PAG1: variants seen among roughly 807,000 people sequenced by gnomAD.
PAG1 encodes the protein phosphoprotein associated with glycosphingolipid-enriched microdomains 1.
PAG1 carries 23 observed loss-of-function variants against 31.7 expected under a neutral mutation model. The observed-to-expected ratio is 0.73, with a 90% CI of 0.52 to 1.03. The LOEUF (loss-of-function observed/expected upper bound fraction) is 1.03, where lower values mean the gene tolerates loss of function less well. Ranked by LOEUF, PAG1 falls within the 50% of genes least tolerant of loss-of-function variation. The pLI, the probability that PAG1 is intolerant of heterozygous loss-of-function variation, is 0.00. For synonymous variants in PAG1, 214 were observed against 210.3 expected, an observed-to-expected ratio of 1.02 and a Z score of -0.15; for missense variants, 473 against 540.7, an observed-to-expected ratio of 0.87 and a Z score of 1.24.
At chr8:81,078,886 C>T (rs928661127) in intron 1 of PAG1, among the ~76,000 whole-genome samples, 1 of 152,158 alleles carries the variant, frequency 6.6e-6, no homozygotes, top group African/African-American at 2.4e-5. Flanking sequence ...ACTAAAAACG[C>T]ACAATCTGGT....
intron 3 of PAG1, chr8:81,029,660 T>C (rs1808345793): frequency 6.6e-6 from 1 of 152,224 alleles, no homozygotes; most frequent in South Asian, 2.1e-4. Flanking sequence ...GGATGAAATG[T>C]TATTTTCATA....
chr8:81,093,404 C>T (rs4570109), intron 1 of PAG1, among the ~76,000 whole-genome samples: 93,332 of 152,066 alleles, frequency 0.61, 29,754 homozygotes, highest in African/African-American at 0.79. Context: ...CCAGACTTTA[C>T]GAACAGTCTA....
rs1021666233 is a variant in PAG1 at position 80,967,909 on chromosome 8, T to C, written c.*8635A>G. On this transcript the variant is annotated 3_prime_UTR_variant, in exon 9 of 9. Transcript: ENST00000220597. ...ACCTGCTATTTACATGTAATCATAC[T>C]TTTATATATAGCTTGAATAAGTTTT... The C allele has an allele frequency of 1.3e-5, 2 of 152,230 alleles. No homozygotes were observed. The highest frequency in any genetic ancestry group is 6.5e-5 in the Admixed American group (1 of 15,282). The allele number at this position is 152,230 out of a possible 1,614,324, so 9.4% of individuals were successfully genotyped here. A position where few individuals can be genotyped will look rare whatever the true frequency, so the allele number is the denominator to read the frequency against.
At chr8:81,010,897 C>T (rs962906136) in intron 3 of PAG1, among the ~76,000 whole-genome samples, 4 of 152,206 alleles carry the variant, frequency 2.6e-5, no homozygotes, top group African/African-American at 9.6e-5. Flanking sequence ...AGCTTTTATA[C>T]TAGCTGTTTG....
Position 80,976,557 on chromosome 8 carries a change from A to G in PAG1, c.1286T>C (p.Ile429Thr), listed in dbSNP as rs1224821139. The part of the protein sequence containing the change: ...SISDLQQGRD[I>T]TRL Reference sequence around the variant, plus strand: ...TCTTCTGGGTTGCTAGAGCCTGGTAATATCTCTGCCTTGCTGCAAGTCACT... The same window carrying G: ...TCTTCTGGGTTGCTAGAGCCTGGTAGTATCTCTGCCTTGCTGCAAGTCACT... Residue 429 changes from isoleucine (I) to threonine (T), a missense_variant, in exon 9 of 9, where the codon ATT (isoleucine) becomes ACT (threonine). Coordinates refer to ENST00000220597, the MANE Select transcript of PAG1 (RefSeq NM_018440.4). 6.2e-7 allele frequency: 1 copy of G among 1,611,728 alleles called. No individual in the cohort carries two copies. Among genetic ancestry groups the G allele is most frequent in the Admixed American group, 1.7e-5 (1 of 59,750 alleles).
chr8:81,045,876 T>C (rs1169178235), intron 2 of PAG1, among the ~76,000 whole-genome samples: 1 of 152,200 alleles, frequency 6.6e-6, no homozygotes, highest in Non-Finnish European at 1.5e-5. Context: ...GTTTATAGTA[T>C]CTGAAAGAAA....
chr8:81,077,151 G>T (rs1809192299), intron 1 of PAG1, among the ~76,000 whole-genome samples: 1 of 152,192 alleles, frequency 6.6e-6, no homozygotes, highest in Non-Finnish European at 1.5e-5. Flanking sequence ...CGTTAGAAAG[G>T]CAAACCCTGG....
At chr8:80,978,759 C>G (rs1446598968) in intron 8 of PAG1, among the ~76,000 whole-genome samples, 2 of 152,116 alleles carry the variant, frequency 1.3e-5, no homozygotes, top group Non-Finnish European at 2.9e-5. Context: ...CTTCTTGAGT[C>G]TTCTCATATT....
intron 3 of PAG1, among the ~76,000 whole-genome samples, chr8:80,996,648 G>T (rs1414023707): frequency 6.6e-6 from 1 of 152,158 alleles, no homozygotes; most frequent in African/African-American, 2.4e-5. Context: ...GATGTACATG[G>T]ATCACTTTGT....
intron 1 of PAG1, among the ~76,000 whole-genome samples, chr8:81,075,998 G>A (rs942116842): frequency 1.3e-5 from 2 of 152,138 alleles, no homozygotes; most frequent in Non-Finnish European, 2.9e-5. Flanking sequence ...TCAATGAAAT[G>A]AGCCATCCTG....
At chr8:81,054,497 A>C (rs965937488) in intron 2 of PAG1, among the ~76,000 whole-genome samples, 3 of 151,688 alleles carry the variant, frequency 2.0e-5, no homozygotes, top group Admixed American at 1.3e-4. Flanking sequence ...ATACGGTGAA[A>C]CCCCCTCTCT....
At position 81,042,681 on chromosome 8, in the gene PAG1, A is replaced by G. The variant is rs1808574013; in HGVS notation, c.-174-12592T>C. Among the ~76,000 whole-genome samples, 3 of 152,046 alleles carry G rather than the reference A, an allele frequency of 2.0e-5. No homozygotes were observed. The South Asian group carries it at 6.2e-4, about 32-fold the overall frequency. ...TGAGGAAGGGAAGGAGGAACAGGAG[A>G]GTCAAGCGGAGATGGGAAAACACAG... On this transcript the variant is annotated intron_variant, in intron 2 of 8. Coordinates refer to ENST00000220597, the MANE Select transcript of PAG1 (RefSeq NM_018440.4).
At chr8:80,980,801 A>C (rs1807284320) in intron 7 of PAG1, among the ~76,000 whole-genome samples, 1 of 152,250 alleles carries the variant, frequency 6.6e-6, no homozygotes, top group African/African-American at 2.4e-5. Flanking sequence ...AGGATTGATC[A>C]TCCATGGAGG....
chr8:81,064,996 G>A (rs890818566), intron 2 of PAG1, among the ~76,000 whole-genome samples: 34 of 152,146 alleles, frequency 2.2e-4, no homozygotes, highest in African/African-American at 7.7e-4. Flanking sequence ...GCAGAGATCC[G>A]AAGAGACAGC....
chr8:81,068,800 C>T, intron 2 of PAG1, among the ~76,000 whole-genome samples: 1 of 152,166 alleles, frequency 6.6e-6, no homozygotes, highest in East Asian at 1.9e-4. Context: ...CCACACAACG[C>T]TTTCCAGAAA....
chr8:81,076,983 G>A (rs1202967011), intron 1 of PAG1, among the ~76,000 whole-genome samples: 1 of 152,182 alleles, frequency 6.6e-6, no homozygotes, highest in South Asian at 2.1e-4. Flanking sequence ...ACCATGGTAG[G>A]CATGTTTCAT....
rs1807024971 is a variant in PAG1 at position 80,969,178 on chromosome 8, T to A, written c.*7366A>T. The stretch of plus-strand genomic sequence containing the variant: ...ATGGGCGGGTAGTGGCACATAGGAA[T>A]TAAATCCTAGCATGGCTCCAGGAAA... On this transcript the variant is annotated 3_prime_UTR_variant, in exon 9 of 9. Transcript: ENST00000220597. 1 of 152,112 alleles carries A rather than the reference T, an allele frequency of 6.6e-6. No individual in the cohort carries two copies. Among genetic ancestry groups the A allele is most frequent in the Admixed American group, 6.6e-5 (1 of 15,266 alleles). The allele number at this position is 152,112 out of a possible 1,614,324, so 9.4% of individuals were successfully genotyped here.
At chr8:81,058,294 T>C (rs1053276020) in intron 2 of PAG1, among the ~76,000 whole-genome samples, 18 of 152,196 alleles carry the variant, frequency 1.2e-4, no homozygotes, top group Admixed American at 9.2e-4. Flanking sequence ...CAGGTTTCAA[T>C]GTGTGTACAT....
rs550062341 is a variant in PAG1 at position 80,993,579 on chromosome 8, G to A, written c.-80-272C>T. 1.3e-4 allele frequency among the ~76,000 whole-genome samples: 19 copies of A among 150,660 alleles called. No individual in the cohort carries two copies. The South Asian group carries it at 3.8e-3, about 30-fold the overall frequency. ...ATGGATGTCTTATCTTGATATGTTT[G>A]GGGGTGGATTCTTCTTGTTCTTTTT... On this transcript the variant is annotated intron_variant, in intron 3 of 8. Coordinates refer to ENST00000220597, the MANE Select transcript of PAG1 (RefSeq NM_018440.4).
Sources: gnomAD v4.1 joint callset for allele counts (sites outside exome capture counted in the v4.1 genomes callset) on GRCh38, gnomAD v4.1.1 for gene constraint, MANE v1.5 for transcripts, NCBI Gene and HGNC (gene_info 2026-07-23, HGNC 2026-07-21) for gene names.